The following FAM83B variants were observed in gnomAD, a reference collection of about 807,000 sequenced individuals.
FAM83B encodes protein FAM83B.
Under a neutral mutation model 38.8 loss-of-function variants are expected in FAM83B, and 26 were observed. The observed-to-expected ratio is 0.67, with a 90% CI of 0.49 to 0.93. FAM83B has a LOEUF of 0.93. Ranked by LOEUF, FAM83B falls within the 40% of genes least tolerant of loss-of-function variation. The pLI is 0.00. For missense variants in FAM83B, 1,237 were observed against 1,197.3 expected (o/e 1.03, Z -0.49); for synonymous variants, 419 against 423.1 (o/e 0.99, Z 0.12).
intron 2 of FAM83B, among the ~76,000 whole-genome samples, chr6:54,874,838 C>G (rs1167658958): frequency 6.6e-6 from 1 of 152,140 alleles, no homozygotes; most frequent in Non-Finnish European, 1.5e-5. Flanking sequence ...CTGATGCGCT[C>G]TATACCACAT....
chr6:54,869,898 T>C (rs1311901511), intron 1 of FAM83B, among the ~76,000 whole-genome samples: 1 of 152,186 alleles, frequency 6.6e-6, no homozygotes, highest in Non-Finnish European at 1.5e-5. Flanking sequence ...GTAGAGACAT[T>C]AATGGCTGGG....
chr6:54,940,759 A>C lies in FAM83B; in HGVS notation c.1788A>C (p.Pro596=). The C allele has an allele frequency of 6.2e-7, 1 of 1,614,072 alleles. No individual in the cohort carries two copies. The highest frequency in any genetic ancestry group is 8.5e-7 in the Non-Finnish European group (1 of 1,180,008). ...AGCATTTGACAGACAAACCCTTGCCAGAATCAATCCCCAAGCTCCCATTGC... is the reference window on the plus strand; with the variant it reads ...AGCATTTGACAGACAAACCCTTGCCCGAATCAATCCCCAAGCTCCCATTGC... ...NVQHLTDKPL[P]ESIPKLPLQS... is the part of the protein sequence containing the mutation. The change falls in exon 5 of 5, where the codon CCA becomes CCC. Residue 596 remains proline (P), a synonymous_variant. Transcript: ENST00000306858.
Position 54,941,046 on chromosome 6 carries a change from G to A in FAM83B, c.2075G>A (p.Arg692Gln), listed in dbSNP as rs868155358. 5.0e-6 allele frequency: 8 copies of A among 1,613,658 alleles called. No individual in the cohort carries two copies. Among genetic ancestry groups the A allele is most frequent in the South Asian group, 1.1e-5 (1 of 90,946 alleles). ...HYVYSTLTRN[R>Q]VRQPEKPKED... ...GTATATAGTACACTTACCAGGAATC[G>A]AGTTAGACAACCAGAAAAGCCCAAA... is the stretch of plus-strand genomic sequence containing the variant. The change falls in exon 5 of 5, where the codon CGA becomes CAA. Residue 692 changes from arginine (R) to glutamine (Q), a missense_variant. By Grantham distance (43) the Arg-to-Gln change is conservative. Transcript: ENST00000306858.
intron 1 of FAM83B, among the ~76,000 whole-genome samples, chr6:54,864,623 G>C (rs1461230177): frequency 4.6e-5 from 7 of 152,162 alleles, no homozygotes; most frequent in African/African-American, 1.7e-4. Context: ...TTGACAGCTT[G>C]AATATTATAG....
chr6:54,932,060 G>C (rs1239864907), intron 4 of FAM83B, among the ~76,000 whole-genome samples: 1 of 137,530 alleles, frequency 7.3e-6, no homozygotes, highest in Non-Finnish European at 1.5e-5. Flanking sequence ...GCCCAAGCTG[G>C]AGTCCAATGA....
rs1050327324 is a variant in FAM83B at position 54,863,694 on chromosome 6, T to A, written c.-60-6493T>A. ...CCTGCCTAATCCTGTGTGAATGTAG[T>A]TAATTTTTGATATAAATTAAAACCT... On this transcript the variant is annotated intron_variant, in intron 1 of 4. Coordinates refer to ENST00000306858, the MANE Select transcript of FAM83B (RefSeq NM_001010872.3). Among the ~76,000 whole-genome samples, 7 of 152,346 alleles carry A rather than the reference T, an allele frequency of 4.6e-5. No individual in the cohort carries two copies. The East Asian group carries it at 1.4e-3, about 29-fold the overall frequency.
At chr6:54,885,454 T>C (rs1158185798) in intron 2 of FAM83B, among the ~76,000 whole-genome samples, 1 of 152,190 alleles carries the variant, frequency 6.6e-6, no homozygotes, top group Non-Finnish European at 1.5e-5. Flanking sequence ...ATTTTTTGTA[T>C]ATTGACATTG....
intron 2 of FAM83B, among the ~76,000 whole-genome samples, chr6:54,917,987 T>C (rs1025624552): frequency 4.6e-5 from 7 of 152,166 alleles, no homozygotes; most frequent in Admixed American, 2.6e-4. Flanking sequence ...AATTTTAACA[T>C]GTAAAAATAT....
intron 2 of FAM83B, among the ~76,000 whole-genome samples, chr6:54,895,996 G>A (rs1772522965): frequency 6.6e-6 from 1 of 152,040 alleles, no homozygotes; most frequent in Admixed American, 6.6e-5. Flanking sequence ...GGTTCAAGCT[G>A]TTCTCCTGCC....
intron 2 of FAM83B, among the ~76,000 whole-genome samples, chr6:54,903,325 G>T (rs1772705440): frequency 6.6e-6 from 1 of 152,160 alleles, no homozygotes; most frequent in Non-Finnish European, 1.5e-5. Context: ...CAAAGAGTTG[G>T]ACCGGCATGG....
At chr6:54,896,984 A>G (rs1490539620) in intron 2 of FAM83B, among the ~76,000 whole-genome samples, 1 of 152,170 alleles carries the variant, frequency 6.6e-6, no homozygotes, top group Non-Finnish European at 1.5e-5. Context: ...AACAGTAAGA[A>G]TGCACAATAC....
intron 2 of FAM83B, among the ~76,000 whole-genome samples, chr6:54,904,810 A>G (rs1177531208): frequency 1.3e-5 from 2 of 152,218 alleles, no homozygotes; most frequent in African/African-American, 2.4e-5. Context: ...TGGGTGGCAA[A>G]TACTACCAGC....
chr6:54,944,448 G>A lies in FAM83B; in HGVS notation c.*2441G>A, dbSNP rs1773762514. 6.6e-6 allele frequency: 1 copy of A among 152,150 alleles called. No homozygotes were observed. Among genetic ancestry groups the A allele is most frequent in the Admixed American group, 6.6e-5 (1 of 15,266 alleles). 9.4% of individuals were successfully genotyped at this position (152,150 alleles called of 1,614,324 possible). A position where few individuals can be genotyped will look rare whatever the true frequency, so the allele number is the denominator to read the frequency against. ...AAGTAGTTCTTGGCAGATGGCTAGAGAATACTGCAAGTGACCCTGTATCCC... is the reference window on the plus strand; with the variant it reads ...AAGTAGTTCTTGGCAGATGGCTAGAAAATACTGCAAGTGACCCTGTATCCC... On this transcript the variant is annotated 3_prime_UTR_variant, in exon 5 of 5. Transcript: ENST00000306858.
intron 2 of FAM83B, among the ~76,000 whole-genome samples, chr6:54,888,877 G>T (rs1772339810): frequency 1.3e-5 from 2 of 151,820 alleles, no homozygotes; most frequent in Admixed American, 6.6e-5. Flanking sequence ...CTGATTACAG[G>T]TCTGGCATAC....
intron 2 of FAM83B, among the ~76,000 whole-genome samples, chr6:54,903,321 G>A (rs1250504075): frequency 6.6e-6 from 1 of 152,158 alleles, no homozygotes; most frequent in Admixed American, 6.5e-5. Flanking sequence ...AGTCCAAAGA[G>A]TTGGACCGGC....
At position 54,939,972 on chromosome 6, in the gene FAM83B, C is replaced by T. The variant is rs573481792; in HGVS notation, c.1001C>T (p.Ser334Phe). 40 of 1,614,000 alleles carry T rather than the reference C, an allele frequency of 2.5e-5. No individual in the cohort carries two copies. In the South Asian group the frequency reaches 3.2e-4, roughly 13 times the overall value. ...GRQDKIHKLDSSYFKNRGIYT... is the reference protein window; with the variant it reads ...GRQDKIHKLDFSYFKNRGIYT... ...CAAGACAAGATTCATAAACTAGATT[C>T]CAGTTACTTCAAAAACAGAGGGATA... Residue 334 changes from serine to phenylalanine, a missense_variant, in exon 5 of 5, where the codon TCC becomes TTC. Coordinates refer to ENST00000306858, the MANE Select transcript of FAM83B (RefSeq NM_001010872.3).
intron 1 of FAM83B, among the ~76,000 whole-genome samples, chr6:54,861,093 A>T (rs1022617322): frequency 3.3e-5 from 5 of 152,194 alleles, no homozygotes; most frequent in African/African-American, 7.2e-5. Flanking sequence ...TTTTCTTAAA[A>T]TTTATTTTTT....
Position 54,941,886 on chromosome 6 carries a change from A to G in FAM83B, c.2915A>G (p.Tyr972Cys). 1 of 1,614,120 alleles carries G rather than the reference A, an allele frequency of 6.2e-7. No individual in the cohort carries two copies. Among genetic ancestry groups the G allele is most frequent in the Non-Finnish European group, 8.5e-7 (1 of 1,180,010 alleles). The change falls in exon 5 of 5, where the codon TAT becomes TGT. Residue 972 changes from tyrosine to cysteine, a missense_variant. Transcript: ENST00000306858. Reference protein sequence around the residue: ...EIKSATMGNSYGRSSPLLNYN... With the variant: ...EIKSATMGNSCGRSSPLLNYN... ...AAATCTGCGACTATGGGCAACAGTT[A>G]TGGCAGGTCTAGTCCATTGCTTAAT...
chr6:54,910,438 G>C (rs566509369), intron 2 of FAM83B, among the ~76,000 whole-genome samples: 1 of 152,178 alleles, frequency 6.6e-6, no homozygotes, highest in South Asian at 2.1e-4. Context: ...ATGCTTCTCT[G>C]CCCTTTCGTT....
Sources: gnomAD v4.1 joint callset for allele counts (sites outside exome capture counted in the v4.1 genomes callset) on GRCh38, gnomAD v4.1.1 for gene constraint, MANE v1.5 for transcripts, NCBI Gene and HGNC (gene_info 2026-07-23, HGNC 2026-07-21) for gene names.